The following GRIA3 variants were observed in gnomAD, a reference collection of about 807,000 sequenced individuals.
GRIA3 encodes glutamate receptor 3.
GRIA3 carries 3 observed loss-of-function variants against 63.0 expected under a neutral mutation model. The ratio of observed to expected loss-of-function variants is 0.05; its 90% CI spans 0.02 to 0.12. GRIA3 has a LOEUF of 0.12. Ranked by LOEUF, GRIA3 falls within the 10% of genes least tolerant of loss-of-function variation. The pLI, the probability that GRIA3 is intolerant of heterozygous loss-of-function variation, is 1.00. For synonymous variants in GRIA3, 274 were observed against 257.9 expected (o/e 1.06, Z -0.60); for missense variants, 347 against 700.9 (o/e 0.50, Z 5.70).
At chrX:123,402,536 T>C (rs1328623594) in intron 7 of GRIA3, among the ~76,000 whole-genome samples, 1 of 110,623 alleles carries the variant, frequency 9.0e-6, no homozygotes, top group Admixed American at 9.7e-5. Flanking sequence ...CAATTAATAA[T>C]TGAAGCTACG....
intron 2 of GRIA3, among the ~76,000 whole-genome samples, chrX:123,188,303 T>G (rs1180252128): frequency 9.0e-6 from 1 of 111,090 alleles, no homozygotes; most frequent in Non-Finnish European, 1.9e-5. Context: ...CAGCTGCTGC[T>G]TGGTAGCTTA....
intron 2 of GRIA3, among the ~76,000 whole-genome samples, chrX:123,223,989 A>T (rs1471851779): frequency 9.0e-6 from 1 of 111,067 alleles, no homozygotes; most frequent in Non-Finnish European, 1.9e-5. Context: ...CTTCAGATTT[A>T]CCTCCCATAT....
intron 13 of GRIA3, among the ~76,000 whole-genome samples, chrX:123,471,422 T>C (rs1041068142): frequency 1.8e-5 from 2 of 112,584 alleles, no homozygotes; most frequent in African/African-American, 6.5e-5. Flanking sequence ...TAGGACATTA[T>C]TATTTGCCTT....
In GRIA3 at chrX:123,408,778, A is replaced by G. The variant is rs1423303608; in HGVS notation, c.1500+3864A>G. 2.7e-5 allele frequency among the ~76,000 whole-genome samples: 3 copies of G among 112,273 alleles called. No homozygotes were observed. In the East Asian group the frequency reaches 8.4e-4, roughly 32 times the overall value. On this transcript the variant is annotated intron_variant, in intron 10 of 15. Transcript: ENST00000620443. The stretch of plus-strand genomic sequence containing the variant: ...CAACTTTCTGATGCTTTCTGGGCTT[A>G]TAACAGGAGGTGATTCCAGAGAACT...
intron 3 of GRIA3, among the ~76,000 whole-genome samples, chrX:123,268,350 G>GA (rs1159427343): frequency 9.1e-6 from 1 of 110,349 alleles, no homozygotes; most frequent in Non-Finnish European, 1.9e-5. Context: ...TATTCCTTCT[G>GA]AAAATCCTAG....
chrX:123,456,861 C>G (rs1015991377), intron 12 of GRIA3, among the ~76,000 whole-genome samples: 2 of 111,491 alleles, frequency 1.8e-5, no homozygotes, highest in Non-Finnish European at 1.9e-5. Flanking sequence ...TGTAAGTGTT[C>G]CGTTCAGGCA....
intron 9 of GRIA3, among the ~76,000 whole-genome samples, chrX:123,403,894 G>T (rs910822864): frequency 2.7e-5 from 3 of 110,987 alleles, no homozygotes; most frequent in African/African-American, 9.9e-5. Flanking sequence ...CCACTAACCT[G>T]TAAAACTGTG....
At chrX:123,406,517 G>A (rs979063511) in intron 10 of GRIA3, among the ~76,000 whole-genome samples, 1 of 111,736 alleles carries the variant, frequency 8.9e-6, no homozygotes, top group Admixed American at 9.5e-5. Context: ...AGGCCTTTGG[G>A]AGGAACCACA....
chrX:123,231,539 C>A (rs1014905924), intron 2 of GRIA3, among the ~76,000 whole-genome samples: 1 of 111,513 alleles, frequency 9.0e-6, no homozygotes, highest in Non-Finnish European at 1.9e-5. Context: ...AAACAAATGG[C>A]AAATTAATTA....
chrX:123,414,874 A>G (rs746122722), intron 10 of GRIA3, among the ~76,000 whole-genome samples: 2 of 111,668 alleles, frequency 1.8e-5, no homozygotes, highest in Non-Finnish European at 3.8e-5. Flanking sequence ...TAGTGCCGCA[A>G]TAAACATACA....
chrX:123,248,753 T>C (rs2044373384), intron 2 of GRIA3, among the ~76,000 whole-genome samples: 1 of 110,689 alleles, frequency 9.0e-6, no homozygotes, highest in South Asian at 3.9e-4. Context: ...GCCATTGCAC[T>C]CCAGCCTGGG....
chrX:123,450,947 C>G (rs1285623381), intron 12 of GRIA3, among the ~76,000 whole-genome samples: 2 of 111,896 alleles, frequency 1.8e-5, no homozygotes, highest in Non-Finnish European at 3.8e-5. Context: ...AGCAAAGGCC[C>G]TGACATGGGA....
chrX:123,317,486 G>A (rs1252664262), intron 3 of GRIA3, among the ~76,000 whole-genome samples: 2 of 112,208 alleles, frequency 1.8e-5, no homozygotes, highest in Non-Finnish European at 3.8e-5. Context: ...TACAATGGAG[G>A]TACAGGTATT....
At chrX:123,228,391 G>A (rs913931039) in intron 2 of GRIA3, among the ~76,000 whole-genome samples, 1 of 110,946 alleles carries the variant, frequency 9.0e-6, no homozygotes, top group African/African-American at 3.3e-5. Flanking sequence ...AAGATCCAAG[G>A]GAGCATTTCC....
At chrX:123,339,633 G>C (rs1437159260) in intron 4 of GRIA3, among the ~76,000 whole-genome samples, 2 of 111,875 alleles carry the variant, frequency 1.8e-5, no homozygotes, top group Admixed American at 9.5e-5. Context: ...CCTCAGGATT[G>C]GTTGAACTAA....
chrX:123,340,756 A>T (rs951048152), intron 4 of GRIA3, among the ~76,000 whole-genome samples: 4 of 112,009 alleles, frequency 3.6e-5, no homozygotes, highest in African/African-American at 9.7e-5. Flanking sequence ...CACTTTGTGG[A>T]TTTTACTCAC....
intron 3 of GRIA3, among the ~76,000 whole-genome samples, chrX:123,285,723 C>A (rs751498030): frequency 5.4e-5 from 6 of 110,596 alleles, no homozygotes; most frequent in African/African-American, 2.0e-4. Context: ...GCTAACTATC[C>A]TAAATATATT....
intron 3 of GRIA3, among the ~76,000 whole-genome samples, chrX:123,291,164 A>C (rs1421944448): frequency 9.0e-6 from 1 of 111,680 alleles, no homozygotes; most frequent in Non-Finnish European, 1.9e-5. Flanking sequence ...ACACTGGCAT[A>C]GCAGGCTGAC....
chrX:123,475,513 T>A (rs1369158080), intron 13 of GRIA3, among the ~76,000 whole-genome samples: 1 of 112,057 alleles, frequency 8.9e-6, no homozygotes. Context: ...AAGACGGCTC[T>A]ACTCAGCAAA....
Sources: allele counts gnomAD v4.1 joint callset (sites outside exome capture counted in the v4.1 genomes callset), GRCh38; gene constraint gnomAD v4.1.1; transcripts MANE v1.5; gene names NCBI Gene and HGNC (gene_info 2026-07-23, HGNC 2026-07-21).